OSMR: variants seen among roughly 807,000 people sequenced by gnomAD.
OSMR encodes oncostatin M receptor.
OSMR carries 81 observed loss-of-function variants against 99.9 expected under a neutral mutation model. That is an observed-to-expected ratio of 0.81 (90% CI 0.68 to 0.97). The LOEUF (loss-of-function observed/expected upper bound fraction) is 0.97, where lower values mean the gene tolerates loss of function less well. Among genes scored for constraint, OSMR ranks in the 50% least tolerant of loss-of-function variants. The pLI, the probability that OSMR is intolerant of heterozygous loss-of-function variation, is 0.00. For synonymous variants in OSMR, 406 were observed against 410.4 expected, an observed-to-expected ratio of 0.99 and a Z score of 0.13; for missense variants, 1,099 against 1,153.4, an observed-to-expected ratio of 0.95 and a Z score of 0.68.
chr5:38,873,832 C>CTATTT (rs1174190668), intron 2 of OSMR, among the ~76,000 whole-genome samples: 3 of 151,666 alleles, frequency 2.0e-5, no homozygotes, highest in East Asian at 1.9e-4. Context: ...TTATTTTATT[C>CTATTT]TATTTTATTT....
At chr5:38,920,221 C>T (rs1478467715) in intron 11 of OSMR, among the ~76,000 whole-genome samples, 1 of 152,100 alleles carries the variant, frequency 6.6e-6, no homozygotes, top group East Asian at 1.9e-4. Flanking sequence ...GTGAGAGGCT[C>T]CAGCTAGCTA....
Position 38,925,301 on chromosome 5 carries a change from C to G in OSMR, c.2142C>G (p.Ile714Met), listed in dbSNP as rs1746425740. ...CAGAATCCTTCTATGAGTTTTTCAT[C>G]ACTCCATTCACTAGTGCTGGTGAAG... ...LKPESFYEFF[I>M]TPFTSAGEGP... is the part of the protein sequence containing the mutation. The change falls in exon 15 of 18, where the codon ATC becomes ATG. Residue 714 changes from isoleucine (I) to methionine (M), a missense_variant. Transcript: ENST00000274276. 2 of 1,614,086 alleles carry G rather than the reference C, an allele frequency of 1.2e-6. No homozygotes were observed. Among genetic ancestry groups the G allele is most frequent in the East Asian group, 4.5e-5 (2 of 44,864 alleles).
chr5:38,866,102 A>C (rs1741916905), intron 1 of OSMR, among the ~76,000 whole-genome samples: 1 of 152,094 alleles, frequency 6.6e-6, no homozygotes, highest in African/African-American at 2.4e-5. Flanking sequence ...GGACTCCAGA[A>C]AGTGTGAGTG....
chr5:38,879,907 A>G (rs1743144279), intron 3 of OSMR, among the ~76,000 whole-genome samples: 1 of 152,150 alleles, frequency 6.6e-6, no homozygotes, highest in South Asian at 2.1e-4. Context: ...TTGCTCTTAA[A>G]TTTTAAAAAT....
At chr5:38,864,642 C>T (rs1741791842) in intron 1 of OSMR, among the ~76,000 whole-genome samples, 1 of 151,304 alleles carries the variant, frequency 6.6e-6, no homozygotes, top group African/African-American at 2.4e-5. Flanking sequence ...TGGGGGTTTC[C>T]TTATATATGA....
At chr5:38,894,337 T>C (rs1744348251) in intron 7 of OSMR, among the ~76,000 whole-genome samples, 1 of 152,018 alleles carries the variant, frequency 6.6e-6, no homozygotes, top group African/African-American at 2.4e-5. Context: ...AAATCTGGAA[T>C]GTAAACAGTC....
chr5:38,857,597 AT>A (rs1289950154), intron 1 of OSMR, among the ~76,000 whole-genome samples: 10 of 152,276 alleles, frequency 6.6e-5, no homozygotes, highest in African/African-American at 2.4e-4. Flanking sequence ...AGTAATTAGC[AT>A]ATTCAAAACT....
intron 17 of OSMR, 123 bp downstream of exon 17, chr5:38,932,658 T>G (rs1258098648): frequency 4.5e-6 from 7 of 1,546,548 alleles, no homozygotes; most frequent in East Asian, 2.4e-5. Context: ...AAGCCATCTT[T>G]GCACCCACAG....
chr5:38,941,260 C>A (rs540699269), intron 1 of OSMR: 3 of 232,580 alleles, frequency 1.3e-5, no homozygotes, highest in Admixed American at 5.6e-5. Flanking sequence ...TAAGTTACTG[C>A]TGCTTTAAAA....
rs756553512 is a variant in OSMR at position 38,885,345 on chromosome 5, A to G, written c.704-4A>G. The G allele has an allele frequency of 7.4e-6, 12 of 1,613,704 alleles. No homozygotes were observed. In the South Asian group the frequency reaches 1.2e-4, roughly 16 times the overall value. On this transcript the variant is annotated splice_polypyrimidine_tract_variant and splice_region_variant and intron_variant, in intron 5 of 17. Transcript: ENST00000274276. ...ACTAGGTCTGTTTTCCTTTGTATGG[A>G]CAGAAGTACTTGAGGAGCCCAAGGA... is the stretch of plus-strand genomic sequence containing the variant.
At chr5:38,882,640 C>T (rs894098422) in intron 4 of OSMR, among the ~76,000 whole-genome samples, 4 of 140,164 alleles carry the variant, frequency 2.9e-5, no homozygotes, top group South Asian at 2.3e-4. Flanking sequence ...ATCTAGACGG[C>T]GGGGTGGGGG....
chr5:38,918,725 T>G (rs1433469970), intron 10 of OSMR, 115 bp from the exon 11 acceptor site: 23 of 1,523,840 alleles, frequency 1.5e-5, no homozygotes, highest in Non-Finnish European at 1.8e-5. Flanking sequence ...GCTGTTTGAA[T>G]TTTCTGGTGT....
chr5:38,891,181 C>T (rs77086745), intron 7 of OSMR, among the ~76,000 whole-genome samples: 9,932 of 152,176 alleles, frequency 0.065, 417 homozygotes, highest in South Asian at 0.17. Flanking sequence ...AAAATGAAAC[C>T]AAGGTCAGAG....
At chr5:38,890,979 A>G (rs970295092) in intron 7 of OSMR, among the ~76,000 whole-genome samples, 1 of 152,142 alleles carries the variant, frequency 6.6e-6, no homozygotes, top group Non-Finnish European at 1.5e-5. Context: ...CTCCAGACCA[A>G]ATGAATCCTA....
At chr5:38,858,092 T>C (rs1031422178) in intron 1 of OSMR, among the ~76,000 whole-genome samples, 7 of 152,236 alleles carry the variant, frequency 4.6e-5, no homozygotes, top group African/African-American at 1.4e-4. Flanking sequence ...AGGATATCTA[T>C]CACCTGAAAC....
intron 7 of OSMR, among the ~76,000 whole-genome samples, chr5:38,902,746 T>A (rs1744975679): frequency 6.6e-6 from 1 of 152,216 alleles, no homozygotes; most frequent in Non-Finnish European, 1.5e-5. Flanking sequence ...AGTCACGTTC[T>A]CTGTGAAGGC....
rs1266855763 is a variant in OSMR, at chr5:38,904,446, A to G, written c.1228A>G (p.Ser410Gly). The G allele has an allele frequency of 1.7e-5, 28 of 1,614,046 alleles. No homozygotes were observed. The highest frequency in any genetic ancestry group is 2.2e-5 in the Non-Finnish European group (26 of 1,180,052). ...GGCGCGAGTACGGTGTGCTGATGCCAGCCACTTCTGGAAATGGAGTGAATG... is the reference window on the plus strand; with the variant it reads ...GGCGCGAGTACGGTGTGCTGATGCCGGCCACTTCTGGAAATGGAGTGAATG... ...YMARVRCADA[S>G]HFWKWSEWSG... The change falls in exon 9 of 18, where the codon AGC becomes GGC. Residue 410 changes from serine to glycine, a missense_variant. Physicochemically the swap from Ser to Gly is moderately conservative, Grantham distance 56. Transcript: ENST00000274276.
At chr5:38,904,077 C>T (rs1745065604) in intron 8 of OSMR, 53 bp downstream of exon 8, 2 of 1,604,450 alleles carry the variant, frequency 1.2e-6, no homozygotes, top group East Asian at 2.2e-5. Context: ...TTGTCCTGAA[C>T]AGAGACACTG....
chr5:38,936,119 C>CAAAT (rs1217249076), downstream of OSMR, among the ~76,000 whole-genome samples: 10 of 152,118 alleles, frequency 6.6e-5, no homozygotes, highest in East Asian at 1.9e-4. Context: ...TGGACAATTT[C>CAAAT]AAATAAATAT....
Sources: gnomAD v4.1 joint callset for allele counts (sites outside exome capture counted in the v4.1 genomes callset) on GRCh38, gnomAD v4.1.1 for gene constraint, MANE v1.5 for transcripts, NCBI Gene and HGNC (gene_info 2026-07-23, HGNC 2026-07-21) for gene names.